The following CSMD1 variants were observed in gnomAD, a reference collection of about 807,000 sequenced individuals.
CSMD1 encodes CUB and Sushi multiple domains 1.
A neutral mutation model predicts 417.5 loss-of-function variants in CSMD1; 213 were observed. The ratio of observed to expected loss-of-function variants is 0.51; its 90% confidence interval spans 0.46 to 0.57. The LOEUF (loss-of-function observed/expected upper bound fraction) is 0.57. Among genes scored for constraint, CSMD1 ranks in the 20% least tolerant of loss-of-function variants. CSMD1 has a pLI of 0.00. For missense variants in CSMD1, 6,923 were observed against 4,529.7 expected, an observed-to-expected ratio of 1.53 and a Z score of -15.17; for synonymous variants, 2,862 against 1,736.8, an observed-to-expected ratio of 1.65 and a Z score of -16.11.
chr8:4,546,335 G>C (rs1480685138), intron 2 of CSMD1, among the ~76,000 whole-genome samples: 2 of 152,060 alleles, frequency 1.3e-5, no homozygotes, highest in African/African-American at 2.4e-5. Context: ...AACTTCACTG[G>C]GGTAAGGGTT....
At chr8:3,660,231 C>T (rs990268148) in intron 7 of CSMD1, among the ~76,000 whole-genome samples, 3 of 152,136 alleles carry the variant, frequency 2.0e-5, no homozygotes, top group Admixed American at 6.5e-5. Flanking sequence ...GAAGCCTCTG[C>T]TATTTACTGT....
chr8:3,764,071 C>A (rs1019227739), intron 5 of CSMD1, among the ~76,000 whole-genome samples: 2 of 152,096 alleles, frequency 1.3e-5, no homozygotes, highest in African/African-American at 4.8e-5. Flanking sequence ...CACAGGCTCT[C>A]AGATGTATAT....
At chr8:3,824,117 G>A (rs1011331334) in intron 5 of CSMD1, among the ~76,000 whole-genome samples, 2 of 152,106 alleles carry the variant, frequency 1.3e-5, no homozygotes, top group East Asian at 1.9e-4. Context: ...CTCATGCTAT[G>A]TCGGAAGAAA....
At chr8:4,787,453 G>T in intron 1 of CSMD1, 2 of 777,454 alleles carry the variant, frequency 2.6e-6, no homozygotes, top group South Asian at 2.9e-5. Context: ...TAGCTAGAAA[G>T]AATCACCTGG....
chr8:4,966,351 C>G (rs867924444), intron 1 of CSMD1, among the ~76,000 whole-genome samples: 3 of 152,116 alleles, frequency 2.0e-5, no homozygotes, highest in Non-Finnish European at 4.4e-5. Context: ...TGCACTCCAG[C>G]CTGGGCAACA....
chr8:3,711,315 G>T (rs186207876), intron 6 of CSMD1, among the ~76,000 whole-genome samples: 1 of 152,150 alleles, frequency 6.6e-6, no homozygotes, highest in Admixed American at 6.5e-5. Context: ...TGACTCTTGT[G>T]GAAGACGAGG....
At chr8:4,351,211 C>CA (rs1232958826) in intron 3 of CSMD1, among the ~76,000 whole-genome samples, 3 of 151,876 alleles carry the variant, frequency 2.0e-5, no homozygotes, top group African/African-American at 7.3e-5. Flanking sequence ...TAAAATGTAC[C>CA]AAGTTTCACC....
At chr8:4,903,946 C>T (rs1417331099) in intron 1 of CSMD1, among the ~76,000 whole-genome samples, 3 of 152,174 alleles carry the variant, frequency 2.0e-5, no homozygotes, top group Non-Finnish European at 2.9e-5. Context: ...ACGGAATTTG[C>T]TATTATAATT....
intron 26 of CSMD1, among the ~76,000 whole-genome samples, chr8:3,263,344 C>T (rs1222009999): frequency 1.3e-5 from 2 of 152,210 alleles, no homozygotes; most frequent in Admixed American, 6.5e-5. Flanking sequence ...AGTGATCTGC[C>T]TGCCTTGACC....
chr8:4,565,446 A>T, intron 2 of CSMD1, among the ~76,000 whole-genome samples: 1 of 152,092 alleles, frequency 6.6e-6, no homozygotes, highest in East Asian at 1.9e-4. Context: ...CAAGTAAAAT[A>T]TAGATTTTAG....
intron 1 of CSMD1, among the ~76,000 whole-genome samples, chr8:4,706,061 C>T (rs1807918155): frequency 6.7e-6 from 1 of 150,130 alleles, no homozygotes; most frequent in Admixed American, 6.7e-5. Flanking sequence ...TATATATACA[C>T]AATACATGAT....
At chr8:4,797,095 G>A (rs928806446) in intron 1 of CSMD1, among the ~76,000 whole-genome samples, 1 of 152,120 alleles carries the variant, frequency 6.6e-6, no homozygotes, top group Non-Finnish European at 1.5e-5. Flanking sequence ...AGTGAGAATC[G>A]AATCAGAGAT....
rs113824330 is a variant in CSMD1, at chr8:3,932,948, T to C, written c.818+64955A>G. On this transcript the variant is annotated intron_variant, in intron 5 of 69. Coordinates refer to ENST00000635120, the MANE Select transcript of CSMD1 (RefSeq NM_033225.6). The stretch of plus-strand genomic sequence containing the variant: ...TAACTAAATCTTTTTTAAAAGTGTA[T>C]GTGAATTTTTAAATTTTTTGCTTTC... Among the ~76,000 whole-genome samples the C allele has an allele frequency of 7.6e-3, 1,140 of 150,452 alleles. 62 individuals are homozygous for C. The highest frequency in any genetic ancestry group is 0.012 in the Non-Finnish European group (840 of 67,470).
intron 3 of CSMD1, among the ~76,000 whole-genome samples, chr8:4,391,557 G>C (rs183252486): frequency 6.6e-6 from 1 of 151,996 alleles, no homozygotes; most frequent in Non-Finnish European, 1.5e-5. Context: ...GAGTAGGTAA[G>C]ACTTGGCCAG....
chr8:4,141,225 C>A (rs1803770863), intron 3 of CSMD1, among the ~76,000 whole-genome samples: 1 of 151,112 alleles, frequency 6.6e-6, no homozygotes, highest in Admixed American at 6.6e-5. Context: ...GAAACCTTCA[C>A]ATTTACAAGA....
intron 5 of CSMD1, among the ~76,000 whole-genome samples, chr8:3,963,767 A>G (rs1289281447): frequency 6.6e-6 from 1 of 152,216 alleles, no homozygotes; most frequent in Non-Finnish European, 1.5e-5. Flanking sequence ...ATAGTATAGT[A>G]TATGTATAGC....
intron 12 of CSMD1, among the ~76,000 whole-genome samples, chr8:3,433,121 TA>T (rs1330360664): frequency 1.3e-5 from 2 of 152,230 alleles, no homozygotes; most frequent in Admixed American, 6.5e-5. Context: ...ATTGGAAGGT[TA>T]GAAAGTTGCA....
At chr8:3,963,656 T>C (rs1453292964) in intron 5 of CSMD1, among the ~76,000 whole-genome samples, 1 of 152,262 alleles carries the variant, frequency 6.6e-6, no homozygotes, top group Non-Finnish European at 1.5e-5. Context: ...TAAAGCTATG[T>C]GCGTATGATT....
At chr8:3,849,307 G>A (rs1161070022) in intron 5 of CSMD1, among the ~76,000 whole-genome samples, 1 of 152,260 alleles carries the variant, frequency 6.6e-6, no homozygotes, top group East Asian at 1.9e-4. Flanking sequence ...GGCGGACTGG[G>A]AAGGAAGTTT....
Sources: allele counts gnomAD v4.1 joint callset (sites outside exome capture counted in the v4.1 genomes callset), GRCh38; gene constraint gnomAD v4.1.1; transcripts MANE v1.5; gene names NCBI Gene and HGNC (gene_info 2026-07-23, HGNC 2026-07-21).